TNRC6B: variants seen among roughly 807,000 people sequenced by gnomAD.
TNRC6B encodes trinucleotide repeat-containing gene 6B protein.
A neutral mutation model predicts 203.6 loss-of-function variants in TNRC6B; 52 were observed. That is an observed-to-expected ratio of 0.26 (90% confidence interval 0.20 to 0.32). The LOEUF (loss-of-function observed/expected upper bound fraction) is 0.32. Among genes scored for constraint, TNRC6B ranks in the 10% least tolerant of loss-of-function variants. The probability of loss-of-function intolerance (pLI) is 1.00; values close to 1 mark genes in which losing one functional copy is unlikely to be tolerated. For synonymous variants in TNRC6B, 838 were observed against 845.7 expected, an observed-to-expected ratio of 0.99 and a Z score of 0.16; for missense variants, 1,923 against 2,286.2, an observed-to-expected ratio of 0.84 and a Z score of 3.24.
chr22:40,264,119 G>A (rs1261868067), intron 4 of TNRC6B, among the ~76,000 whole-genome samples: 1 of 152,214 alleles, frequency 6.6e-6, no homozygotes, highest in Non-Finnish European at 1.5e-5. Flanking sequence ...ACGTGAAATG[G>A]TGCCAGAGTG....
chr22:40,218,698 C>G (rs1329134560), intron 1 of TNRC6B, among the ~76,000 whole-genome samples: 2 of 152,078 alleles, frequency 1.3e-5, no homozygotes, highest in African/African-American at 2.4e-5. Flanking sequence ...GTTTAACAAG[C>G]ATTTATTTAA....
At chr22:40,178,290 G>A in intron 1 of TNRC6B, 150 bp downstream of exon 1, 1 of 852,510 alleles carries the variant, frequency 1.2e-6, no homozygotes, top group South Asian at 2.1e-5. Context: ...GACCCGTGAT[G>A]TACTTTGGTT....
intron 3 of TNRC6B, among the ~76,000 whole-genome samples, chr22:40,126,915 A>G (rs962371868): frequency 6.6e-6 from 1 of 151,210 alleles, no homozygotes; most frequent in Non-Finnish European, 1.5e-5. Context: ...TTATGGCTAC[A>G]TATTATAAAT....
At chr22:40,095,054 C>T (rs762581125) in intron 1 of TNRC6B, among the ~76,000 whole-genome samples, 1 of 152,026 alleles carries the variant, frequency 6.6e-6, no homozygotes, top group African/African-American at 2.4e-5. Flanking sequence ...AGAGTGTTGT[C>T]GTTTCATGAG....
At chr22:40,132,991 T>TATATATA (rs1348931374) in intron 3 of TNRC6B, among the ~76,000 whole-genome samples, 1 of 135,738 alleles carries the variant, frequency 7.4e-6, no homozygotes, top group African/African-American at 2.6e-5. Flanking sequence ...TATATATATA[T>TATATATA]TCTGTAAAAT....
chr22:40,088,873 A>G (rs1180046412), intron 1 of TNRC6B, among the ~76,000 whole-genome samples: 1 of 152,174 alleles, frequency 6.6e-6, no homozygotes, highest in Non-Finnish European at 1.5e-5. Flanking sequence ...AATATGGTTG[A>G]TAGCTTTTTT....
chr22:40,318,391 CA>C (rs2071288378), intron 21 of TNRC6B, among the ~76,000 whole-genome samples: 4 of 151,850 alleles, frequency 2.6e-5, no homozygotes, highest in Admixed American at 2.6e-4. Context: ...ACTAAAAATA[CA>C]AAAAATTAGC....
chr22:40,265,393 C>T lies in TNRC6B; in HGVS notation c.1163C>T (p.Pro388Leu). The change falls in exon 5 of 23, where the codon CCC (proline) becomes CTC (leucine). Residue 388 changes from proline to leucine, a missense_variant. Transcript: ENST00000454349. ...TCCTTGAACTTAAGTTCACCAAACC[C>T]CATGGAGAATAAGGGAATGCCCTTT... ...TNSLNLSSPN[P>L]MENKGMPFGM... is the part of the protein sequence containing the mutation. 2 of 1,613,956 alleles carry T rather than the reference C, an allele frequency of 1.2e-6. No homozygotes were observed. Among genetic ancestry groups the T allele is most frequent in the Non-Finnish European group, 1.7e-6 (2 of 1,179,886 alleles).
chr22:40,052,020 T>C (rs1019889544), intron 1 of TNRC6B, among the ~76,000 whole-genome samples: 2 of 152,152 alleles, frequency 1.3e-5, no homozygotes, highest in African/African-American at 4.8e-5. Context: ...ACAGCACAAC[T>C]CTAAACCATG....
intron 1 of TNRC6B, among the ~76,000 whole-genome samples, chr22:40,182,022 G>A (rs1601864367): frequency 6.6e-6 from 1 of 151,370 alleles, no homozygotes; most frequent in Non-Finnish European, 1.5e-5. Flanking sequence ...GAGGTGAGTG[G>A]ATACGAGGTC....
chr22:40,292,721 C>T (rs1050916254), intron 12 of TNRC6B, among the ~76,000 whole-genome samples: 19 of 152,308 alleles, frequency 1.2e-4, no homozygotes, highest in Middle Eastern at 6.8e-3. Context: ...GCGCTTTTCC[C>T]TGGTCCTTCT....
At chr22:40,144,955 G>C (rs1015571960) in intron 3 of TNRC6B, among the ~76,000 whole-genome samples, 1 of 151,236 alleles carries the variant, frequency 6.6e-6, no homozygotes, top group African/African-American at 2.4e-5. Flanking sequence ...ATTAAGGCTA[G>C]GCTCAGTAGC....
In TNRC6B at chr22:40,164,367, G is replaced by A. The variant is rs1354033241; in HGVS notation, c.113+8185G>A. ...CACACCACTGCAGTCCAGCCTGGGC[G>A]ACAGAGTGAGACTCTGCCTTTAAAA... On this transcript the variant is annotated intron_variant, in intron 4 of 23. Coordinates refer to the TNRC6B transcript ENST00000301923. Among the ~76,000 whole-genome samples the A allele has an allele frequency of 8.0e-5, 11 of 137,006 alleles. No individual in the cohort carries two copies. The South Asian group carries it at 2.2e-3, about 28-fold the overall frequency. The allele number at this position is 137,006 out of a possible 152,430, so 89.9% of individuals were successfully genotyped here.
intron 1 of TNRC6B, among the ~76,000 whole-genome samples, chr22:40,185,631 G>T (rs2069191484): frequency 6.6e-6 from 1 of 152,204 alleles, no homozygotes; most frequent in Non-Finnish European, 1.5e-5. Context: ...AGGGAGGATT[G>T]AGGGGAGGTT....
At chr22:40,290,280 G>C (rs1234897204) in intron 12 of TNRC6B, among the ~76,000 whole-genome samples, 1 of 152,242 alleles carries the variant, frequency 6.6e-6, no homozygotes, top group Non-Finnish European at 1.5e-5. Context: ...TCACTGTGCA[G>C]ACAGCACAGA....
intron 10 of TNRC6B, 120 bp downstream of exon 10, chr22:40,280,263 A>G (rs1045210787): frequency 1.4e-5 from 13 of 948,340 alleles, no homozygotes; most frequent in Middle Eastern, 6.7e-4. Context: ...GCAAAACACA[A>G]ACATCACCTG....
chr22:40,097,037 C>T (rs2068191179), intron 1 of TNRC6B, among the ~76,000 whole-genome samples: 1 of 152,182 alleles, frequency 6.6e-6, no homozygotes, highest in African/African-American at 2.4e-5. Context: ...CCCATCCTTA[C>T]CTGCCCCATC....
intron 1 of TNRC6B, chr22:40,045,423 C>A (rs1031891100): frequency 1.3e-5 from 2 of 151,624 alleles, no homozygotes; most frequent in Non-Finnish European, 1.5e-5. Context: ...CTGGCCCGGC[C>A]GTCGAGTTCG....
Position 40,177,927 on chromosome 22 carries a change from A to G in TNRC6B, c.-209A>G. The G allele has an allele frequency of 7.4e-7, 1 of 1,350,104 alleles. No individual in the cohort carries two copies. Among genetic ancestry groups the G allele is most frequent in the Non-Finnish European group, 9.5e-7 (1 of 1,054,310 alleles). The allele number at this position is 1,350,104 out of a possible 1,614,324, so 83.6% of individuals were successfully genotyped here. On this transcript the variant is annotated 5_prime_UTR_variant, in exon 1 of 23. Transcript: ENST00000454349. Reference sequence around the variant, plus strand: ...GGTCACAAAAAGCTGCTTCCTTTAGAGACAGAGAGGGAGAGAGAGAGCAAG... The same window carrying G: ...GGTCACAAAAAGCTGCTTCCTTTAGGGACAGAGAGGGAGAGAGAGAGCAAG...
Sources: allele counts gnomAD v4.1 joint callset (sites outside exome capture counted in the v4.1 genomes callset), GRCh38; gene constraint gnomAD v4.1.1; transcripts MANE v1.5; gene names NCBI Gene and HGNC (gene_info 2026-07-23, HGNC 2026-07-21).